Variants in WWOX observed in about 807,000 individuals in gnomAD.
WWOX encodes the protein WW domain containing oxidoreductase.
A neutral mutation model predicts 46.2 loss-of-function variants in WWOX; 69 were observed. The ratio of observed to expected loss-of-function variants is 1.49; its 90% CI spans 1.23 to 1.82. WWOX has a LOEUF of 1.82. Among genes scored for constraint, WWOX ranks in the 40% most tolerant of loss-of-function variants. WWOX has a pLI of 0.00. For synonymous variants in WWOX, 359 were observed against 202.6 expected (o/e 1.77, Z -6.56); for missense variants, 919 against 542.6 (o/e 1.69, Z -6.89).
At chr16:78,486,163 C>A (rs920911791) in intron 8 of WWOX, among the ~76,000 whole-genome samples, 2 of 152,118 alleles carry the variant, frequency 1.3e-5, no homozygotes, top group South Asian at 2.1e-4. Context: ...GGGAAACAAA[C>A]CCTGTTTTGT....
At chr16:78,848,547 T>C (rs2151177449) in intron 8 of WWOX, among the ~76,000 whole-genome samples, 1 of 152,260 alleles carries the variant, frequency 6.6e-6, no homozygotes, top group African/African-American at 2.4e-5. Flanking sequence ...CTTTATGTGG[T>C]GTTGCCTAAG....
chr16:78,908,006 C>G (rs1381245628), intron 8 of WWOX, among the ~76,000 whole-genome samples: 1 of 152,166 alleles, frequency 6.6e-6, no homozygotes, highest in Non-Finnish European at 1.5e-5. Context: ...TCGAGTTTAT[C>G]TCATTTGTCC....
chr16:78,689,812 G>C (rs953382060), intron 8 of WWOX, among the ~76,000 whole-genome samples: 3 of 152,054 alleles, frequency 2.0e-5, no homozygotes, highest in Non-Finnish European at 4.4e-5. Context: ...CCTGCATAAA[G>C]TCTTCCTTAC....
At chr16:78,736,930 A>G (rs1221277228) in intron 8 of WWOX, among the ~76,000 whole-genome samples, 1 of 151,896 alleles carries the variant, frequency 6.6e-6, no homozygotes, top group African/African-American at 2.4e-5. Flanking sequence ...TCATATAGCT[A>G]TTGTGTATTG....
chr16:78,152,790 T>G (rs1002401451), intron 4 of WWOX, among the ~76,000 whole-genome samples: 4 of 152,214 alleles, frequency 2.6e-5, no homozygotes, highest in Non-Finnish European at 5.9e-5. Context: ...TTGTACAGCT[T>G]TACAAAACAT....
rs114302915 is a variant in WWOX, at chr16:78,427,836, C to T, written c.791+2781C>T. Among the ~76,000 whole-genome samples the T allele has an allele frequency of 1.8e-3, 272 of 152,042 alleles. 1 individual carries two copies. The highest frequency in any genetic ancestry group is 6.1e-3 in the African/African-American group (253 of 41,472). On this transcript the variant is annotated intron_variant, in intron 7 of 8. Coordinates refer to ENST00000566780, the MANE Select transcript of WWOX (RefSeq NM_016373.4). ...GCAGTATAGGCCAGGCACAGTGTCT[C>T]ACGCCTGTAATCCCAGCACTCAAGA...
chr16:78,660,395 A>G (rs2047183325), intron 8 of WWOX, among the ~76,000 whole-genome samples: 1 of 152,104 alleles, frequency 6.6e-6, no homozygotes, highest in African/African-American at 2.4e-5. Context: ...AGACATTGAT[A>G]TGCTTCCTGA....
At chr16:78,246,107 TA>T (rs1346771108) in intron 5 of WWOX, among the ~76,000 whole-genome samples, 1 of 152,208 alleles carries the variant, frequency 6.6e-6, no homozygotes, top group Non-Finnish European at 1.5e-5. Flanking sequence ...CCCCTTTCTT[TA>T]TCATGGCTCA....
intron 8 of WWOX, among the ~76,000 whole-genome samples, chr16:78,498,312 C>T (rs1597169255): frequency 6.6e-6 from 1 of 152,002 alleles, no homozygotes; most frequent in African/African-American, 2.4e-5. Context: ...TATTTTATTG[C>T]TCTGTAAATT....
intron 8 of WWOX, among the ~76,000 whole-genome samples, chr16:78,453,089 C>G (rs919558621): frequency 2.0e-5 from 3 of 152,010 alleles, no homozygotes; most frequent in African/African-American, 7.3e-5. Flanking sequence ...TCATGTTGGC[C>G]AGGCTGCAGC....
chr16:78,436,336 T>A (rs941962652), intron 8 of WWOX, among the ~76,000 whole-genome samples: 1 of 152,200 alleles, frequency 6.6e-6, no homozygotes, highest in Non-Finnish European at 1.5e-5. Flanking sequence ...GGGACCCTGG[T>A]TCAGTGATCT....
At chr16:78,910,464 C>T (rs1379595088) in intron 8 of WWOX, among the ~76,000 whole-genome samples, 2 of 151,228 alleles carry the variant, frequency 1.3e-5, no homozygotes, top group South Asian at 4.2e-4. Context: ...CGTATTAGAA[C>T]AGTGTGGTGT....
At chr16:79,064,881 C>T (rs1486415888) in intron 8 of WWOX, among the ~76,000 whole-genome samples, 2 of 152,194 alleles carry the variant, frequency 1.3e-5, no homozygotes, top group African/African-American at 2.4e-5. Flanking sequence ...CAAGAATGTG[C>T]TGGGAGGATA....
chr16:79,182,935 G>C (rs953794100), intron 8 of WWOX, among the ~76,000 whole-genome samples: 2 of 152,174 alleles, frequency 1.3e-5, no homozygotes, highest in African/African-American at 4.8e-5. Flanking sequence ...AGTAGGCTGA[G>C]GGAGCTCTTT....
chr16:78,829,240 A>C (rs188876588), intron 8 of WWOX, among the ~76,000 whole-genome samples: 1 of 152,228 alleles, frequency 6.6e-6, no homozygotes, highest in African/African-American at 2.4e-5. Flanking sequence ...AGAAGTCCCA[A>C]GAAGTGTAGC....
intron 5 of WWOX, among the ~76,000 whole-genome samples, chr16:78,316,864 G>C (rs1047422480): frequency 6.6e-6 from 1 of 152,124 alleles, no homozygotes; most frequent in East Asian, 1.9e-4. Flanking sequence ...TACCAACCCT[G>C]CACCCTGGGA....
intron 5 of WWOX, among the ~76,000 whole-genome samples, chr16:78,383,028 T>G: frequency 6.8e-6 from 1 of 147,768 alleles, no homozygotes; most frequent in Non-Finnish European, 1.5e-5. Context: ...TAGGGGGAGG[T>G]GATATGCTCT....
chr16:78,665,873 T>C (rs1424849116), intron 8 of WWOX, among the ~76,000 whole-genome samples: 2 of 152,004 alleles, frequency 1.3e-5, no homozygotes, highest in Non-Finnish European at 1.5e-5. Context: ...TTAGTAGAGA[T>C]GGAGTTTCAC....
chr16:78,313,145 G>A (rs933998589), intron 5 of WWOX, among the ~76,000 whole-genome samples: 1 of 152,130 alleles, frequency 6.6e-6, no homozygotes, highest in African/African-American at 2.4e-5. Context: ...CAATGTAATG[G>A]GCAGAAAGGG....
Sources: gnomAD v4.1 joint callset for allele counts (sites outside exome capture counted in the v4.1 genomes callset) on GRCh38, gnomAD v4.1.1 for gene constraint, MANE v1.5 for transcripts, NCBI Gene and HGNC (gene_info 2026-07-23, HGNC 2026-07-21) for gene names.